Variants in PLEKHN1 observed in about 807,000 individuals in gnomAD.
The protein encoded by PLEKHN1 is pleckstrin homology domain containing N1.
A neutral mutation model predicts 72.8 loss-of-function variants in PLEKHN1; 68 were observed. The ratio of observed to expected loss-of-function variants is 0.93; its 90% CI spans 0.77 to 1.14. PLEKHN1 has a LOEUF of 1.14. Ranked by LOEUF, PLEKHN1 falls within the 50% of genes most tolerant of loss-of-function variation. The pLI is 0.00. For missense variants in PLEKHN1, 1,015 were observed against 840.5 expected (o/e 1.21, Z -2.57); for synonymous variants, 454 against 371.6 (o/e 1.22, Z -2.55).
Position 975,275 on chromosome 1 carries a change from G to A in PLEKHN1, c.*700G>A, listed in dbSNP as rs1023717286. On this transcript the variant is annotated 3_prime_UTR_variant, in exon 16 of 16. Coordinates refer to ENST00000379410, the MANE Select transcript of PLEKHN1 (RefSeq NM_032129.3). ...AGCAGCCAGGGTCTCCCACAGTCTT[G>A]AGGACCCCCACCCAGCACCCAGCCA... is the stretch of plus-strand genomic sequence containing the variant. The A allele has an allele frequency of 2.6e-5, 4 of 152,558 alleles. No homozygotes were observed. Among genetic ancestry groups the A allele is most frequent in the African/African-American group, 9.7e-5 (4 of 41,430 alleles). 9.5% of individuals were successfully genotyped at this position (152,558 alleles called of 1,614,324 possible).
chr1:966,666 C>T (rs1286800714), intron 1 of PLEKHN1, 38 bp from the exon 2 acceptor site: 3 of 1,583,944 alleles, frequency 1.9e-6, no homozygotes, highest in Non-Finnish European at 2.6e-6. Context: ...CCCACCCGCT[C>T]CGGGGCCAAG....
At chr1:967,191 C>T (rs959301696) in intron 2 of PLEKHN1, among the ~76,000 whole-genome samples, 3 of 152,316 alleles carry the variant, frequency 2.0e-5, no homozygotes, top group East Asian at 1.9e-4. Flanking sequence ...TCACCTACAC[C>T]GGCCTTTCTC....
At chr1:966,682 A>G (rs1374819611) in intron 1 of PLEKHN1, 22 bp from the exon 2 acceptor site, 2 of 1,577,826 alleles carry the variant, frequency 1.3e-6, no homozygotes, top group Admixed American at 1.8e-5. Flanking sequence ...CCAAGCCACG[A>G]GACCCCTTGC....
At chr1:968,855 G>T (rs1643137018) in intron 2 of PLEKHN1, among the ~76,000 whole-genome samples, 1 of 152,220 alleles carries the variant, frequency 6.6e-6, no homozygotes, top group African/African-American at 2.4e-5. Context: ...TCTGATGTGA[G>T]GAGACAGTGA....
In PLEKHN1 at chr1:970,696, C is replaced by T. The variant is rs751286676; in HGVS notation, c.422C>T (p.Pro141Leu). Residue 141 changes from proline to leucine, a missense_variant, in exon 5 of 16, where the codon CCG becomes CTG. Physicochemically the swap from Pro to Leu is moderately conservative, Grantham distance 98. Coordinates refer to ENST00000379410, the MANE Select transcript of PLEKHN1 (RefSeq NM_032129.3). The surrounding 1 kb of genome is among the most constrained non-coding windows in gnomAD (Gnocchi z 4.2). ...SEGLTFQGLL[P>L]LTELSVCPLE... Reference sequence around the variant, plus strand: ...CCCTGTGCCTGGCAGGGGCTGTTACCGCTGACGGAGCTGAGTGTCTGCCCG... The same window carrying T: ...CCCTGTGCCTGGCAGGGGCTGTTACTGCTGACGGAGCTGAGTGTCTGCCCG... The T allele has an allele frequency of 1.6e-4, 260 of 1,595,916 alleles. 1 individual carries two copies. Among genetic ancestry groups the T allele is most frequent in the Non-Finnish European group, 1.9e-4 (225 of 1,169,302 alleles).
At position 973,335 on chromosome 1, in the gene PLEKHN1, A is replaced by G; in HGVS notation, c.1293+9A>G. ...ACCTGGACCTGACCCAGGTGGGCCC[A>G]GCACACCCACACAGCCCCTGGCCTG... On this transcript the variant is annotated intron_variant, in intron 12 of 15. Coordinates refer to ENST00000379410, the MANE Select transcript of PLEKHN1 (RefSeq NM_032129.3). 3 of 1,551,178 alleles carry G rather than the reference A, an allele frequency of 1.9e-6. No homozygotes were observed. The highest frequency in any genetic ancestry group is 2.6e-6 in the Non-Finnish European group (3 of 1,144,518).
intron 10 of PLEKHN1, among the ~76,000 whole-genome samples, 189 bp downstream of exon 10, chr1:972,613 A>C (rs78806832): frequency 0.018 from 2,587 of 141,654 alleles, 68 homozygotes; most frequent in African/African-American, 0.063. Context: ...TAAAAATACA[A>C]AAAAATTAGC....
At chr1:967,378 C>CA (rs1238174291) in intron 2 of PLEKHN1, among the ~76,000 whole-genome samples, 1 of 1,750 alleles carries the variant, frequency 5.7e-4, no homozygotes, top group South Asian at 0.026. Context: ...CCATGCCCAC[C>CA]CCCCCCCCAG....
chr1:974,809 C>A lies in PLEKHN1; in HGVS notation c.*234C>A. ...GATGCCCTGGCCAGCGAGGCTGGGTCACAGGTCAGGGAGGTCCTGGCCGTC... is the reference window on the plus strand; with the variant it reads ...GATGCCCTGGCCAGCGAGGCTGGGTAACAGGTCAGGGAGGTCCTGGCCGTC... On this transcript the variant is annotated 3_prime_UTR_variant, in exon 16 of 16. Coordinates refer to ENST00000379410, the MANE Select transcript of PLEKHN1 (RefSeq NM_032129.3). 1 of 603,288 alleles carries A rather than the reference C, an allele frequency of 1.7e-6. No individual in the cohort carries two copies. The highest frequency in any genetic ancestry group is 2.8e-6 in the Non-Finnish European group (1 of 351,058). The allele number at this position is 603,288 out of a possible 1,614,324, so 37.4% of individuals were successfully genotyped here. A position where few individuals can be genotyped will look rare whatever the true frequency, so the allele number is the denominator to read the frequency against.
intron 2 of PLEKHN1, among the ~76,000 whole-genome samples, chr1:968,452 G>A (rs1046439481): frequency 1.3e-5 from 2 of 152,238 alleles, no homozygotes; most frequent in Admixed American, 6.5e-5. Context: ...TGCCAGGATT[G>A]ACTACATGTG....
rs1643558017 is a variant in PLEKHN1 at position 975,298 on chromosome 1, C to T, written c.*723C>T. The T allele has an allele frequency of 6.5e-6, 1 of 152,766 alleles. No homozygotes were observed. Among genetic ancestry groups the T allele is most frequent in the Non-Finnish European group, 1.5e-5 (1 of 68,352 alleles). The allele number at this position is 152,766 out of a possible 1,614,324, so 9.5% of individuals were successfully genotyped here. On this transcript the variant is annotated 3_prime_UTR_variant, in exon 16 of 16. Transcript: ENST00000379410. ...TTGAGGACCCCCACCCAGCACCCAGCCAGGCAGCCCCCTTCCTCTGCCACC... is the reference window on the plus strand; with the variant it reads ...TTGAGGACCCCCACCCAGCACCCAGTCAGGCAGCCCCCTTCCTCTGCCACC...
intron 9 of PLEKHN1, 43 bp from the exon 10 acceptor site, chr1:972,245 G>C: frequency 7.5e-6 from 12 of 1,602,490 alleles, no homozygotes; most frequent in Non-Finnish European, 1.0e-5. Flanking sequence ...GGGCGCTGAG[G>C]GGTGCACCCC....
At position 973,693 on chromosome 1, in the gene PLEKHN1, C is replaced by T. The variant is rs3892467; in HGVS notation, c.1434+53C>T. 0.4 allele frequency: 631,836 copies of T among 1,598,120 alleles called. 128,468 individuals are homozygous for T. The highest frequency in any genetic ancestry group is 0.65 in the East Asian group (29,163 of 44,728). ...GGTGGGAGGTGCCTGCAGCCTGAGGCTGGGGAGGTCTAGACCGTGCGTCTC... is the reference window on the plus strand; with the variant it reads ...GGTGGGAGGTGCCTGCAGCCTGAGGTTGGGGAGGTCTAGACCGTGCGTCTC... On this transcript the variant is annotated intron_variant, in intron 13 of 15. Transcript: ENST00000379410.
intron 2 of PLEKHN1, 105 bp downstream of exon 2, chr1:966,908 G>A (rs77359280): frequency 0.037 from 46,703 of 1,255,662 alleles, 1,024 homozygotes; most frequent in South Asian, 0.071. Context: ...CCCCCGGGGC[G>A]TTCAGACCCC....
At position 967,878 on chromosome 1, in the gene PLEKHN1, G is replaced by A. The variant is rs147590618; in HGVS notation, c.183+1075G>A. Among the ~76,000 whole-genome samples the A allele has an allele frequency of 2.0e-5, 3 of 152,318 alleles. No homozygotes were observed. In the East Asian group the frequency reaches 5.8e-4, roughly 29 times the overall value. On this transcript the variant is annotated intron_variant, in intron 2 of 15. Transcript: ENST00000379410. ...GGGGGTCCTATGAGGTGTGGTGGGTGGCCGTAGTGGTCCTCCCTTGCCAGG... is the reference window on the plus strand; with the variant it reads ...GGGGGTCCTATGAGGTGTGGTGGGTAGCCGTAGTGGTCCTCCCTTGCCAGG...
chr1:966,724 C>T lies in PLEKHN1; in HGVS notation c.104C>T (p.Ser35Leu), dbSNP rs371640798. 339 of 1,573,538 alleles carry T rather than the reference C, an allele frequency of 2.2e-4. No homozygotes were observed. The highest frequency in any genetic ancestry group is 2.8e-4 in the Non-Finnish European group (323 of 1,160,062). ...KGNREDSARMSAGLPGPEAAR... is the reference protein window; with the variant it reads ...KGNREDSARMLAGLPGPEAAR... ...CCCAGAGAGGACAGCGCGCGGATGTCGGCCGGCCTGCCGGGCCCCGAGGCT... is the reference window on the plus strand; with the variant it reads ...CCCAGAGAGGACAGCGCGCGGATGTTGGCCGGCCTGCCGGGCCCCGAGGCT... Residue 35 changes from serine to leucine, a missense_variant, in exon 2 of 16, where the codon TCG becomes TTG. By Grantham distance (145) the Ser-to-Leu change is moderately radical (BLOSUM62 -2). Coordinates refer to ENST00000379410, the MANE Select transcript of PLEKHN1 (RefSeq NM_032129.3).
chr1:973,619 A>G lies in PLEKHN1; in HGVS notation c.1413A>G (p.Thr471=), dbSNP rs1643457350. 12 of 1,613,016 alleles carry G rather than the reference A, an allele frequency of 7.4e-6. No homozygotes were observed. The highest frequency in any genetic ancestry group is 1.0e-5 in the Non-Finnish European group (12 of 1,179,958). The change falls in exon 13 of 16, where the codon ACA becomes ACG. Residue 471 remains threonine (T), a synonymous_variant. Transcript: ENST00000379410. The stretch of plus-strand genomic sequence containing the variant: ...CCGCCACCTCCCACCGCAGGGTCAC[A>G]GATGTCCGGGGCCTGGAGGAGGTCA... ...TPPATSHRRV[T]DVRGLEEFLS...
chr1:970,608 C>T lies in PLEKHN1; in HGVS notation c.411+7C>T, dbSNP rs762318848. 1.7e-5 allele frequency: 27 copies of T among 1,611,458 alleles called. No homozygotes were observed. Among genetic ancestry groups the T allele is most frequent in the Admixed American group, 1.3e-4 (8 of 59,872 alleles). On this transcript the variant is annotated splice_region_variant and intron_variant, in intron 4 of 15. Coordinates refer to ENST00000379410, the MANE Select transcript of PLEKHN1 (RefSeq NM_032129.3). The surrounding 1 kb of genome is among the most constrained non-coding windows in gnomAD (Gnocchi z 4.2). ...GGAAGGACTCACATTTCAGGTGAGG[C>T]GGTGGGCAATGGGGTGGGGCCATGG...
chr1:966,880 C>G (rs1239320700), intron 2 of PLEKHN1, 77 bp downstream of exon 2: 7 of 1,435,920 alleles, frequency 4.9e-6, no homozygotes, highest in Middle Eastern at 2.3e-4. Flanking sequence ...GTCCGTGCAG[C>G]TCAGGGTCTT....
Sources: gnomAD v4.1 joint callset for allele counts (sites outside exome capture counted in the v4.1 genomes callset) on GRCh38, gnomAD v4.1.1 for gene constraint, Gnocchi (gnomAD v3.1) non-coding constraint, MANE v1.5 for transcripts, NCBI Gene and HGNC (gene_info 2026-07-23, HGNC 2026-07-21) for gene names.